PDE3B: variants seen among roughly 807,000 people sequenced by gnomAD.
PDE3B encodes the protein cGMP-inhibited 3',5'-cyclic phosphodiesterase 3B.
PDE3B carries 66 observed loss-of-function variants against 116.8 expected under a neutral mutation model. The ratio of observed to expected loss-of-function variants is 0.56; its 90% CI spans 0.46 to 0.69. The LOEUF (loss-of-function observed/expected upper bound fraction) is 0.69, where lower values mean the gene tolerates loss of function less well. PDE3B is among the 30% of genes least tolerant of loss of function. The probability of loss-of-function intolerance (pLI) is 0.00; values close to 1 mark genes in which losing one functional copy is unlikely to be tolerated. For missense variants in PDE3B, 1,384 were observed against 1,368.1 expected, an observed-to-expected ratio of 1.01 and a Z score of -0.18; for synonymous variants, 595 against 533.6, an observed-to-expected ratio of 1.12 and a Z score of -1.59.
At chr11:14,844,412 G>T (rs1847543469) in intron 12 of PDE3B, among the ~76,000 whole-genome samples, 1 of 152,240 alleles carries the variant, frequency 6.6e-6, no homozygotes, top group Non-Finnish European at 1.5e-5. Context: ...GAGTGACGCA[G>T]AAGACGGGTG....
chr11:14,770,287 T>C (rs1207174676), intron 1 of PDE3B, among the ~76,000 whole-genome samples: 1 of 151,418 alleles, frequency 6.6e-6, no homozygotes, highest in Non-Finnish European at 1.5e-5. Flanking sequence ...TTATAGATGT[T>C]ATGATAATGG....
chr11:14,846,448 T>C (rs61877639), intron 12 of PDE3B, among the ~76,000 whole-genome samples: 56 of 151,870 alleles, frequency 3.7e-4, no homozygotes, highest in African/African-American at 1.2e-3. Flanking sequence ...GCAAAATAAC[T>C]AGCTAACATC....
chr11:14,883,132 C>A, the PDE3B span, among the ~76,000 whole-genome samples: 1 of 152,044 alleles, frequency 6.6e-6, no homozygotes, highest in African/African-American at 2.4e-5. Flanking sequence ...AGATTCAATG[C>A]CATCCCCATC....
intron 7 of PDE3B, among the ~76,000 whole-genome samples, chr11:14,820,724 A>G (rs1859492599): frequency 6.6e-6 from 1 of 152,032 alleles, no homozygotes; most frequent in African/African-American, 2.4e-5. Context: ...CTTATAAAAG[A>G]ACCCCAGAAA....
At chr11:14,892,385 A>G in the PDE3B span, 1 of 637,796 alleles carries the variant, frequency 1.6e-6, no homozygotes, top group Non-Finnish European at 2.7e-6. Flanking sequence ...TGCGCGGCTG[A>G]GAGTGGACTT....
At chr11:14,693,185 T>G (rs1171647505) in intron 1 of PDE3B, among the ~76,000 whole-genome samples, 2 of 152,174 alleles carry the variant, frequency 1.3e-5, no homozygotes, top group Non-Finnish European at 1.5e-5. Flanking sequence ...AGGAGAAAAG[T>G]TTGAAGCTAG....
rs866976072 is a variant in PDE3B at position 14,768,336 on chromosome 11, C to T, written c.979-3601C>T. Among the ~76,000 whole-genome samples the T allele has an allele frequency of 3.3e-5, 5 of 151,670 alleles. No individual in the cohort carries two copies. The South Asian group carries it at 8.3e-4, about 25-fold the overall frequency. ...TAACATTGAAGTTCCCTGTATGTCACTCCTGGATCTGGTTCACTTCTTTTT... is the reference window on the plus strand; with the variant it reads ...TAACATTGAAGTTCCCTGTATGTCATTCCTGGATCTGGTTCACTTCTTTTT... On this transcript the variant is annotated intron_variant, in intron 1 of 15. Transcript: ENST00000282096.
chr11:14,756,255 G>A (rs1857177755), intron 1 of PDE3B, among the ~76,000 whole-genome samples: 1 of 152,068 alleles, frequency 6.6e-6, no homozygotes. Context: ...TAATCTAGTT[G>A]GGGAGTGTAT....
intron 1 of PDE3B, among the ~76,000 whole-genome samples, chr11:14,742,797 A>G (rs912130685): frequency 6.6e-6 from 1 of 151,910 alleles, no homozygotes; most frequent in African/African-American, 2.4e-5. Flanking sequence ...TCTGCTTGTT[A>G]GTTTTCCTTC....
intron 1 of PDE3B, among the ~76,000 whole-genome samples, chr11:14,765,037 AAC>A (rs1395737124): frequency 6.6e-6 from 1 of 152,010 alleles, no homozygotes; most frequent in African/African-American, 2.4e-5. Context: ...ATGTTCGCTA[AAC>A]ACACACAAAG....
chr11:14,730,361 A>G (rs1330934420), intron 1 of PDE3B, among the ~76,000 whole-genome samples: 1 of 152,210 alleles, frequency 6.6e-6, no homozygotes, highest in Non-Finnish European at 1.5e-5. Flanking sequence ...TCAGGTAGGT[A>G]ATTTCTAAGT....
intron 1 of PDE3B, among the ~76,000 whole-genome samples, chr11:14,761,057 A>T (rs1286492654): frequency 6.6e-6 from 1 of 152,122 alleles, no homozygotes; most frequent in Non-Finnish European, 1.5e-5. Flanking sequence ...GAATTAGCAC[A>T]ATTTATCATT....
rs571754244 is a variant in PDE3B at position 14,670,764 on chromosome 11, G to T, written c.978+25711G>T. ...TCAAATTTTACGTAAGAGGAAATGTGTTTGATTTCCTTTTCCACATCTCTG... is the reference window on the plus strand; with the variant it reads ...TCAAATTTTACGTAAGAGGAAATGTTTTTGATTTCCTTTTCCACATCTCTG... On this transcript the variant is annotated intron_variant, in intron 1 of 15. Transcript: ENST00000282096. 6.6e-5 allele frequency among the ~76,000 whole-genome samples: 10 copies of T among 152,184 alleles called. No homozygotes were observed. In the South Asian group the frequency reaches 2.1e-3, roughly 32 times the overall value.
intron 5 of PDE3B, among the ~76,000 whole-genome samples, chr11:14,806,340 C>T (rs1041623703): frequency 3.3e-5 from 5 of 150,008 alleles, no homozygotes; most frequent in East Asian, 2.0e-4. Flanking sequence ...TGCAGCTACT[C>T]GGGAGGCTGA....
At chr11:14,784,217 A>T (rs1195988228) in intron 2 of PDE3B, among the ~76,000 whole-genome samples, 5 of 152,224 alleles carry the variant, frequency 3.3e-5, no homozygotes, top group Non-Finnish European at 7.3e-5. Context: ...CAGAAAGGAA[A>T]TTATAAAAGA....
At chr11:14,742,599 T>A (rs1856803317) in intron 1 of PDE3B, among the ~76,000 whole-genome samples, 1 of 152,180 alleles carries the variant, frequency 6.6e-6, no homozygotes, top group Non-Finnish European at 1.5e-5. Context: ...GTCAAACTCA[T>A]TCTCCGTCCA....
At chr11:14,874,033 A>AT (rs1285393471), downstream of PDE3B, among the ~76,000 whole-genome samples, 2 of 152,024 alleles carry the variant, frequency 1.3e-5, no homozygotes, top group Admixed American at 1.3e-4. Context: ...ACTTCTACCT[A>AT]TTTCTTTTTG....
At chr11:14,779,354 A>G (rs1283663262) in intron 2 of PDE3B, among the ~76,000 whole-genome samples, 1 of 152,114 alleles carries the variant, frequency 6.6e-6, no homozygotes, top group East Asian at 1.9e-4. Flanking sequence ...GCAACTCCAA[A>G]ACACATAATT....
chr11:14,878,346 C>T, the PDE3B span: 2 of 1,561,200 alleles, frequency 1.3e-6, no homozygotes, highest in Admixed American at 1.7e-5. Context: ...ACAATCTTTA[C>T]CAAAATTAAT....
Sources: gnomAD v4.1 joint callset for allele counts (sites outside exome capture counted in the v4.1 genomes callset) on GRCh38, gnomAD v4.1.1 for gene constraint, MANE v1.5 for transcripts, NCBI Gene and HGNC (gene_info 2026-07-23, HGNC 2026-07-21) for gene names.